Variants in RBAK observed in about 807,000 individuals in gnomAD.
RBAK encodes RB-associated KRAB zinc finger protein.
RBAK carries 39 observed loss-of-function variants against 65.8 expected under a neutral mutation model. The observed-to-expected ratio is 0.59, with a 90% CI of 0.46 to 0.77. The LOEUF is 0.77. RBAK is among the 30% of genes least tolerant of loss of function. The pLI, the probability that RBAK is intolerant of heterozygous loss-of-function variation, is 0.00. For missense variants in RBAK, 884 were observed against 855.1 expected, an observed-to-expected ratio of 1.03 and a Z score of -0.42; for synonymous variants, 343 against 289.7, an observed-to-expected ratio of 1.18 and a Z score of -1.87.
chr7:5,063,146 G>T (rs1468481686), intron 4 of RBAK, among the ~76,000 whole-genome samples: 1 of 152,202 alleles, frequency 6.6e-6, no homozygotes, highest in African/African-American at 2.4e-5. Context: ...TTCAGAGATT[G>T]CAGTAAAGAC....
intron 1 of RBAK, 150 bp downstream of exon 1, chr7:5,046,546 G>A (rs1306428165): frequency 1.2e-5 from 4 of 345,984 alleles, no homozygotes; most frequent in African/African-American, 2.2e-5. Flanking sequence ...CGGCTGCACC[G>A]AACAGGCGCT....
intron 4 of RBAK, among the ~76,000 whole-genome samples, chr7:5,058,318 G>T (rs1472161278): frequency 3.3e-5 from 5 of 152,036 alleles, no homozygotes; most frequent in African/African-American, 7.3e-5. Flanking sequence ...CAAGTGATCT[G>T]CCCACCTCAG....
chr7:5,050,693 G>T (rs999534368), intron 2 of RBAK, among the ~76,000 whole-genome samples: 1 of 152,030 alleles, frequency 6.6e-6, no homozygotes, highest in African/African-American at 2.4e-5. Context: ...TCCCACTTCA[G>T]CCTCCCAAGT....
In RBAK at chr7:5,061,451, TTC is replaced by T. The variant is rs1235714612; in HGVS notation, c.239-2242_239-2241del. 9.3e-3 allele frequency among the ~76,000 whole-genome samples: 1,077 copies of T among 115,590 alleles called. 23 individuals carry two copies. The highest frequency in any genetic ancestry group is 0.035 in the African/African-American group (1,026 of 29,728). The allele number at this position is 115,590 out of a possible 152,430, so 75.8% of individuals were successfully genotyped here. On this transcript the variant is annotated intron_variant, in intron 4 of 4. Coordinates refer to ENST00000396912, the MANE Select transcript of RBAK (RefSeq NM_021163.4). ...TGGGTTTTTTGTTTTGTTTTTCTTT[TTC>T]TTTTTTTTTTTTTTTTATAGTAGAG...
chr7:5,056,379 A>C (rs1038536833), intron 2 of RBAK, among the ~76,000 whole-genome samples: 3 of 151,942 alleles, frequency 2.0e-5, no homozygotes, highest in Admixed American at 1.3e-4. Flanking sequence ...TGGCCTCCCA[A>C]AGTGCTAGGA....
intron 2 of RBAK, among the ~76,000 whole-genome samples, chr7:5,056,604 A>G (rs1788237918): frequency 6.6e-6 from 1 of 152,174 alleles, no homozygotes; most frequent in African/African-American, 2.4e-5. Context: ...TTGTTAAATC[A>G]TTCTGCACCT....
chr7:5,053,325 T>A (rs1788156237), intron 2 of RBAK, among the ~76,000 whole-genome samples: 1 of 152,228 alleles, frequency 6.6e-6, no homozygotes, highest in Admixed American at 6.5e-5. Flanking sequence ...CTGCTTACAT[T>A]TTTTTCTAAG....
rs141731219 is a variant in RBAK at position 5,061,163 on chromosome 7, G to A, written c.239-2532G>A. Among the ~76,000 whole-genome samples the A allele has an allele frequency of 2.0e-3, 311 of 152,266 alleles. 14 individuals carry two copies. In the East Asian group the frequency reaches 0.05, roughly 24 times the overall value. ...ATAAACTGTTCTAAGCAGTTTACAT[G>A]TACTAATTCAGTCCTTTGACAACCC... is the stretch of plus-strand genomic sequence containing the variant. On this transcript the variant is annotated intron_variant, in intron 4 of 4. Transcript: ENST00000396912.
rs1218417775 is a variant in RBAK, at chr7:5,064,229, T to G, written c.773T>G (p.Met258Arg). ...FNAYQRSQME[M>R]KPFECSECGK... ...GCATATCAGAGATCACAAATGGAAA[T>G]GAAGCCCTTTGAATGCAGTGAATGT... The change falls in exon 5 of 5, where the codon ATG becomes AGG. Residue 258 changes from methionine to arginine, a missense_variant. Coordinates refer to ENST00000396912, the MANE Select transcript of RBAK (RefSeq NM_021163.4). The surrounding 1 kb of genome is among the most constrained non-coding windows in gnomAD (Gnocchi z 6.3). The G allele has an allele frequency of 6.2e-7, 1 of 1,613,894 alleles. No homozygotes were observed. The highest frequency in any genetic ancestry group is 8.5e-7 in the Non-Finnish European group (1 of 1,179,966).
Position 5,061,898 on chromosome 7 carries a change from CA to C in RBAK, c.239-1786del, listed in dbSNP as rs548377705. On this transcript the variant is annotated intron_variant, in intron 4 of 4. Coordinates refer to ENST00000396912, the MANE Select transcript of RBAK (RefSeq NM_021163.4). ...GGGTGATAGAGCGAGACTCCATCTA[CA>C]AAAAAAAAAACAGATACCTTGTCTT... 1.8e-3 allele frequency among the ~76,000 whole-genome samples: 264 copies of C among 143,344 alleles called. 2 individuals are homozygous for C. The highest frequency in any genetic ancestry group is 6.1e-3 in the African/African-American group (240 of 39,364). 94.0% of individuals were successfully genotyped at this position (143,344 alleles called of 152,430 possible).
rs767247551 is a variant in RBAK, at chr7:5,064,094, C to A, written c.638C>A (p.Ala213Asp). The A allele has an allele frequency of 6.2e-7, 1 of 1,613,848 alleles. No individual in the cohort carries two copies. Among genetic ancestry groups the A allele is most frequent in the Admixed American group, 1.7e-5 (1 of 60,002 alleles). The change falls in exon 5 of 5, where the codon GCC (alanine) becomes GAC (aspartate). Residue 213 changes from alanine (A) to aspartate (D), a missense_variant. Coordinates refer to ENST00000396912, the MANE Select transcript of RBAK (RefSeq NM_021163.4). This position sits in a 1 kb window ranked among gnomAD's most constrained non-coding sequence, Gnocchi z 6.3. ...TTTGAATATAATGAATGCATGGAAGCCTTAGACAATGAGGCTGTTTTTATT... is the reference window on the plus strand; with the variant it reads ...TTTGAATATAATGAATGCATGGAAGACTTAGACAATGAGGCTGTTTTTATT... The part of the protein sequence containing the change: ...KPFEYNECME[A>D]LDNEAVFIAH...
At chr7:5,057,810 ATGC>A (rs1562536891) in intron 4 of RBAK, 31 bp downstream of exon 4, 1 of 1,613,270 alleles carries the variant, frequency 6.2e-7, no homozygotes. Flanking sequence ...AGGTTAAAAA[ATGC>A]TCATCCCAGA....
chr7:5,058,062 GGTTTGTTTGTTT>G (rs71535174), intron 4 of RBAK, among the ~76,000 whole-genome samples: 7 of 150,502 alleles, frequency 4.7e-5, no homozygotes, highest in African/African-American at 1.7e-4. Flanking sequence ...AATTGTTTTG[GGTTTGTTTGTTT>G]GTTTGTTTGT....
At chr7:5,054,602 TA>T (rs1375353768) in intron 2 of RBAK, among the ~76,000 whole-genome samples, 2 of 151,904 alleles carry the variant, frequency 1.3e-5, no homozygotes, top group Admixed American at 6.6e-5. Context: ...CTAATATATA[TA>T]TTTTTTTCTT....
chr7:5,061,325 C>T (rs1469359203), intron 4 of RBAK, among the ~76,000 whole-genome samples: 1 of 152,016 alleles, frequency 6.6e-6, no homozygotes, highest in African/African-American at 2.4e-5. Flanking sequence ...ATGCTCTTAA[C>T]CACTGTGCTA....
At chr7:5,052,210 T>A (rs1274750683) in intron 2 of RBAK, among the ~76,000 whole-genome samples, 1 of 152,222 alleles carries the variant, frequency 6.6e-6, no homozygotes, top group Non-Finnish European at 1.5e-5. Flanking sequence ...TATATCTTAT[T>A]CCATCCTTTT....
rs375617023 is a variant in RBAK, at chr7:5,048,420, T to C, written c.15+329T>C. Reference sequence around the variant, plus strand: ...AACTCCTGACCTCAGGTGATCCTCCTGCCTCAGCCTCCCAAAGTGCTGGGA... The same window carrying C: ...AACTCCTGACCTCAGGTGATCCTCCCGCCTCAGCCTCCCAAAGTGCTGGGA... On this transcript the variant is annotated intron_variant, in intron 2 of 4. Coordinates refer to ENST00000396912, the MANE Select transcript of RBAK (RefSeq NM_021163.4). This position sits in a 1 kb window ranked among gnomAD's most constrained non-coding sequence, Gnocchi z 4.4. 1.2e-4 allele frequency among the ~76,000 whole-genome samples: 19 copies of C among 152,222 alleles called. No homozygotes were observed. Among genetic ancestry groups the C allele is most frequent in the East Asian group, 3.9e-4 (2 of 5,160 alleles).
rs1317052259 is a variant in RBAK at position 5,067,141 on chromosome 7, A to G, written c.*1540A>G. 1 of 152,220 alleles carries G rather than the reference A, an allele frequency of 6.6e-6. No homozygotes were observed. The highest frequency in any genetic ancestry group is 1.5e-5 in the Non-Finnish European group (1 of 68,022). 9.4% of individuals were successfully genotyped at this position (152,220 alleles called of 1,614,324 possible). A position where few individuals can be genotyped will look rare whatever the true frequency, so the allele number is the denominator to read the frequency against. Reference sequence around the variant, plus strand: ...CTCCTAAGATTATAAAAATAAGACAAGGATATCTGCTGTCAATGATTTTAT... The same window carrying G: ...CTCCTAAGATTATAAAAATAAGACAGGGATATCTGCTGTCAATGATTTTAT... On this transcript the variant is annotated 3_prime_UTR_variant, in exon 5 of 5. Coordinates refer to ENST00000396912, the MANE Select transcript of RBAK (RefSeq NM_021163.4).
At position 5,065,266 on chromosome 7, in the gene RBAK, T is replaced by C; in HGVS notation, c.1810T>C (p.Phe604Leu). The change falls in exon 5 of 5, where the codon TTC becomes CTC. Residue 604 changes from phenylalanine (F) to leucine (L), a missense_variant. Coordinates refer to ENST00000396912, the MANE Select transcript of RBAK (RefSeq NM_021163.4). The surrounding 1 kb of genome is among the most constrained non-coding windows in gnomAD (Gnocchi z 5.3). ...PYECYECGKFFSQKSYLTIHH... is the reference protein window; with the variant it reads ...PYECYECGKFLSQKSYLTIHH... Reference sequence around the variant, plus strand: ...TGAATGTTACGAATGTGGAAAATTCTTCTCTCAGAAATCATATCTCACTAT... The same window carrying C: ...TGAATGTTACGAATGTGGAAAATTCCTCTCTCAGAAATCATATCTCACTAT... The C allele has an allele frequency of 1.2e-6, 2 of 1,614,012 alleles. No individual in the cohort carries two copies. The highest frequency in any genetic ancestry group is 1.7e-6 in the Non-Finnish European group (2 of 1,179,948).
Sources: allele counts gnomAD v4.1 joint callset (sites outside exome capture counted in the v4.1 genomes callset), GRCh38; gene constraint gnomAD v4.1.1; non-coding constraint Gnocchi (gnomAD v3.1); transcripts MANE v1.5; gene names NCBI Gene and HGNC (gene_info 2026-07-23, HGNC 2026-07-21).